The following MAGI2 variants were observed in gnomAD, a reference collection of about 807,000 sequenced individuals.
The protein encoded by MAGI2 is membrane associated guanylate kinase, WW and PDZ domain containing 2.
Under a neutral mutation model 133.3 loss-of-function variants are expected in MAGI2, and 35 were observed. The ratio of observed to expected loss-of-function variants is 0.26; its 90% CI spans 0.20 to 0.35. The LOEUF is 0.35. MAGI2 is among the 10% of genes least tolerant of loss of function. The pLI is 1.00. For missense variants in MAGI2, 1,636 were observed against 1,863.4 expected (o/e 0.88, Z 2.25); for synonymous variants, 729 against 710.6 (o/e 1.03, Z -0.41).
intron 1 of MAGI2, among the ~76,000 whole-genome samples, chr7:79,332,257 A>C (rs1383332047): frequency 6.6e-6 from 1 of 152,186 alleles, no homozygotes; most frequent in African/African-American, 2.4e-5. Context: ...AATTCCTGTT[A>C]ATGTGGTCTT....
chr7:78,491,757 A>G (rs1300532154), intron 5 of MAGI2, among the ~76,000 whole-genome samples: 32 of 151,970 alleles, frequency 2.1e-4, no homozygotes, highest in Non-Finnish European at 2.9e-5. Flanking sequence ...TTGAGGATGC[A>G]GGTTCTGACT....
chr7:78,523,363 C>T (rs544951631), intron 3 of MAGI2, among the ~76,000 whole-genome samples: 2 of 152,168 alleles, frequency 1.3e-5, no homozygotes, highest in South Asian at 4.2e-4. Context: ...CCCGTAGTCC[C>T]ATCTATTCTG....
At chr7:79,277,071 A>T (rs542541749) in intron 1 of MAGI2, among the ~76,000 whole-genome samples, 1 of 152,278 alleles carries the variant, frequency 6.6e-6, no homozygotes, top group African/African-American at 2.4e-5. Flanking sequence ...ACTGTAGGTA[A>T]AATGCTATGA....
chr7:78,369,805 A>G (rs1010380524), intron 6 of MAGI2, among the ~76,000 whole-genome samples: 2 of 151,980 alleles, frequency 1.3e-5, no homozygotes, highest in Non-Finnish European at 2.9e-5. Flanking sequence ...ATTATAGTTC[A>G]TATTTTCAAT....
At chr7:78,433,133 C>G (rs1368096572) in intron 6 of MAGI2, among the ~76,000 whole-genome samples, 1 of 152,064 alleles carries the variant, frequency 6.6e-6, no homozygotes, top group Non-Finnish European at 1.5e-5. Context: ...TTCTCTCTCA[C>G]AAGACATTGA....
At chr7:78,442,670 C>T (rs965684380) in intron 6 of MAGI2, among the ~76,000 whole-genome samples, 2 of 152,064 alleles carry the variant, frequency 1.3e-5, no homozygotes, top group African/African-American at 4.8e-5. Flanking sequence ...TGATTTTAAT[C>T]CCCTAAATAA....
intron 1 of MAGI2, among the ~76,000 whole-genome samples, chr7:79,174,293 A>G (rs1825888342): frequency 1.3e-5 from 2 of 152,244 alleles, no homozygotes; most frequent in East Asian, 1.9e-4. Flanking sequence ...CAAAATATAG[A>G]TGAGTATTTT....
chr7:79,284,480 C>T (rs879943855), intron 1 of MAGI2, among the ~76,000 whole-genome samples: 4 of 152,096 alleles, frequency 2.6e-5, no homozygotes, highest in African/African-American at 9.7e-5. Flanking sequence ...ACTGCATATG[C>T]TGGCCTCTTC....
chr7:79,328,823 C>T (rs1369320089), intron 1 of MAGI2, among the ~76,000 whole-genome samples: 1 of 152,170 alleles, frequency 6.6e-6, no homozygotes, highest in African/African-American at 2.4e-5. Context: ...ATCCAGAACA[C>T]TGGTTGGCAC....
At chr7:79,407,410 CT>C (rs1845879104) in intron 1 of MAGI2, among the ~76,000 whole-genome samples, 2 of 152,130 alleles carry the variant, frequency 1.3e-5, no homozygotes, top group South Asian at 2.1e-4. Flanking sequence ...GAACTTTTCC[CT>C]TTCTAGCATC....
intron 1 of MAGI2, among the ~76,000 whole-genome samples, chr7:79,095,768 C>G (rs1817460551): frequency 6.6e-6 from 1 of 152,114 alleles, no homozygotes; most frequent in South Asian, 2.1e-4. Context: ...GATAATAGAT[C>G]ATCATAATCG....
intron 2 of MAGI2, among the ~76,000 whole-genome samples, chr7:79,002,742 T>G (rs921221860): frequency 1.3e-5 from 2 of 152,016 alleles, no homozygotes; most frequent in Non-Finnish European, 2.9e-5. Flanking sequence ...TCTTAAGATG[T>G]AAGTTTTGTT....
chr7:78,662,108 A>C (rs1012716859), intron 2 of MAGI2, among the ~76,000 whole-genome samples: 1 of 152,170 alleles, frequency 6.6e-6, no homozygotes, highest in Non-Finnish European at 1.5e-5. Flanking sequence ...TTACCAACTT[A>C]AAGGGCCCAA....
chr7:78,787,060 G>T (rs1826886695), intron 2 of MAGI2, among the ~76,000 whole-genome samples: 1 of 151,718 alleles, frequency 6.6e-6, no homozygotes, highest in Non-Finnish European at 1.5e-5. Flanking sequence ...CGATTTTCCT[G>T]CCTCAGCCTC....
At chr7:79,181,357 G>A (rs1393732261) in intron 1 of MAGI2, among the ~76,000 whole-genome samples, 2 of 151,890 alleles carry the variant, frequency 1.3e-5, no homozygotes, top group African/African-American at 4.8e-5. Flanking sequence ...TGACTTCTGT[G>A]CACCCACAGG....
intron 3 of MAGI2, among the ~76,000 whole-genome samples, chr7:78,552,055 T>C (rs555271689): frequency 6.6e-5 from 10 of 152,192 alleles, no homozygotes; most frequent in African/African-American, 1.2e-4. Flanking sequence ...CCAGTTTGCA[T>C]TGTTAATGAA....
chr7:78,314,183 C>G (rs949943615), intron 9 of MAGI2, among the ~76,000 whole-genome samples: 9 of 152,068 alleles, frequency 5.9e-5, no homozygotes, highest in Admixed American at 5.2e-4. Flanking sequence ...GGCATTAGCC[C>G]AGAAGAAGGC....
chr7:78,456,881 C>T (rs1563024512), intron 6 of MAGI2: 1 of 152,200 alleles, frequency 6.6e-6, no homozygotes, highest in Admixed American at 6.5e-5. Context: ...GAATTATCCT[C>T]TTTTAGTATT....
intron 7 of MAGI2, chr7:78,352,867 C>A (rs566168587): frequency 6.6e-6 from 1 of 152,292 alleles, no homozygotes; most frequent in South Asian, 2.1e-4. Context: ...AGATTCATCA[C>A]TAAGCCATTA....
Sources: gnomAD v4.1 joint callset for allele counts (sites outside exome capture counted in the v4.1 genomes callset) on GRCh38, gnomAD v4.1.1 for gene constraint, MANE v1.5 for transcripts, NCBI Gene and HGNC (gene_info 2026-07-23, HGNC 2026-07-21) for gene names.